PPFIA2: variants seen among roughly 807,000 people sequenced by gnomAD.
The protein encoded by PPFIA2 is liprin-alpha-2.
In PPFIA2, 46 loss-of-function variants were observed where a neutral mutation model predicts 175.5. That is an observed-to-expected ratio of 0.26 (90% CI 0.21 to 0.34). The LOEUF (loss-of-function observed/expected upper bound fraction) is 0.34, where lower values mean the gene tolerates loss of function less well. PPFIA2 is among the 10% of genes least tolerant of loss of function. PPFIA2 has a pLI of 1.00. For missense variants in PPFIA2, 1,179 were observed against 1,506.1 expected (o/e 0.78, Z 3.60); for synonymous variants, 568 against 511.4 (o/e 1.11, Z -1.49).
intron 4 of PPFIA2, among the ~76,000 whole-genome samples, chr12:81,617,531 A>G (rs1159349660): frequency 6.6e-6 from 1 of 152,198 alleles, no homozygotes; most frequent in Non-Finnish European, 1.5e-5. Context: ...TGATACCTGT[A>G]AACATGTAGA....
intron 8 of PPFIA2, among the ~76,000 whole-genome samples, chr12:81,394,406 C>A (rs920124418): frequency 6.6e-6 from 1 of 151,698 alleles, no homozygotes; most frequent in Non-Finnish European, 1.5e-5. Flanking sequence ...TCAAGTACAA[C>A]AGAGTTTAAT....
chr12:81,502,214 C>G (rs2060662253), intron 4 of PPFIA2, among the ~76,000 whole-genome samples: 1 of 152,030 alleles, frequency 6.6e-6, no homozygotes, highest in Non-Finnish European at 1.5e-5. Context: ...ACTTAATTCC[C>G]CAGAAATTAT....
Position 81,281,242 on chromosome 12 carries a change from A to AT in PPFIA2, c.3212+14_3212+15insA. On this transcript the variant is annotated intron_variant, in intron 27 of 32. Transcript: ENST00000549396. ...TTTAATTATTCTTTGGGGAAAAAAAAGAAAAAACACCTACCGATGGAAACT... is the reference window on the plus strand; with the variant it reads ...TTTAATTATTCTTTGGGGAAAAAAAATGAAAAAACACCTACCGATGGAAACT... 2 of 1,527,574 alleles carry AT rather than the reference A, an allele frequency of 1.3e-6. No homozygotes were observed. The highest frequency in any genetic ancestry group is 1.8e-6 in the Non-Finnish European group (2 of 1,134,152). The allele number at this position is 1,527,574 out of a possible 1,614,324, so 94.6% of individuals were successfully genotyped here.
At chr12:81,268,123 T>C (rs1362613533) in intron 28 of PPFIA2, 36 bp from the exon 29 acceptor site, 3 of 1,290,164 alleles carry the variant, frequency 2.3e-6, no homozygotes, top group South Asian at 3.0e-5. Context: ...GGATGCATTA[T>C]TTTTCTTTCT....
chr12:81,562,087 T>C (rs746219120), intron 4 of PPFIA2, among the ~76,000 whole-genome samples: 17 of 152,340 alleles, frequency 1.1e-4, no homozygotes, highest in Non-Finnish European at 2.4e-4. Context: ...AGTTTTGTTG[T>C]CTCTTAAAAA....
intron 3 of PPFIA2, among the ~76,000 whole-genome samples, chr12:81,724,047 A>G (rs2079702322): frequency 6.6e-6 from 1 of 150,870 alleles, no homozygotes; most frequent in Non-Finnish European, 1.5e-5. Flanking sequence ...GGGAAAGGTG[A>G]CTGTTTCATA....
intron 24 of PPFIA2, among the ~76,000 whole-genome samples, chr12:81,293,716 A>G (rs1014597121): frequency 3.3e-5 from 5 of 152,146 alleles, no homozygotes; most frequent in African/African-American, 1.2e-4. Context: ...TACAACCTCT[A>G]TGGAAGACAG....
intron 4 of PPFIA2, among the ~76,000 whole-genome samples, chr12:81,650,052 C>A (rs1442959945): frequency 2.6e-5 from 4 of 151,794 alleles, no homozygotes; most frequent in South Asian, 2.1e-4. Context: ...CTCTGTTGCC[C>A]AGGCTGGAGT....
At chr12:81,739,764 C>A (rs765243120) in intron 3 of PPFIA2, among the ~76,000 whole-genome samples, 22 of 151,784 alleles carry the variant, frequency 1.4e-4, no homozygotes, top group Non-Finnish European at 2.2e-4. Flanking sequence ...ATTAATTTAC[C>A]GTACATAGAA....
intron 4 of PPFIA2, among the ~76,000 whole-genome samples, chr12:81,593,359 C>T (rs938305899): frequency 1.3e-5 from 2 of 152,116 alleles, no homozygotes; most frequent in Non-Finnish European, 1.5e-5. Context: ...GTGTGGTACA[C>T]AAGCAAATTT....
chr12:81,646,874 AGAAG>A (rs2066162813), intron 4 of PPFIA2, among the ~76,000 whole-genome samples: 1 of 151,546 alleles, frequency 6.6e-6, no homozygotes, highest in Non-Finnish European at 1.5e-5. Flanking sequence ...AAGGAATGAA[AGAAG>A]GAAGGGAAGG....
At chr12:81,426,187 ACTT>A (rs1566777419) in intron 7 of PPFIA2, among the ~76,000 whole-genome samples, 1 of 152,172 alleles carries the variant, frequency 6.6e-6, no homozygotes, top group Non-Finnish European at 1.5e-5. Flanking sequence ...CTTGATTGAA[ACTT>A]CAAAGATTGA....
rs372604629 is a variant in PPFIA2, at chr12:81,339,271, G to A, written c.2457C>T (p.Asp819=). 46 of 1,610,770 alleles carry A rather than the reference G, an allele frequency of 2.9e-5. No homozygotes were observed. The African/African-American group carries it at 5.6e-4, about 20-fold the overall frequency. ...LGLGSANSSQ[D]SLHKAPKKKG... is the part of the protein sequence containing the mutation. ...TCTTCTTGGGGGCTTTGTGAAGAGA[G>A]TCTTGGCTGCTGTTGGCACTACCAA... The change falls in exon 21 of 33, where the codon GAC becomes GAT. Residue 819 remains aspartate (D), a synonymous_variant. Transcript: ENST00000549396.
At chr12:81,712,058 ATATAT>A (rs745356772) in intron 3 of PPFIA2, among the ~76,000 whole-genome samples, 23 of 151,324 alleles carry the variant, frequency 1.5e-4, no homozygotes, top group South Asian at 2.1e-4. Flanking sequence ...ATACTTACAG[ATATAT>A]TATATTTTTA....
intron 4 of PPFIA2, among the ~76,000 whole-genome samples, chr12:81,528,904 T>C (rs546650346): frequency 6.6e-6 from 1 of 151,922 alleles, no homozygotes; most frequent in Non-Finnish European, 1.5e-5. Flanking sequence ...AATCAATGAG[T>C]ACAAAAAATA....
chr12:81,278,030 G>A (rs902662674), intron 27 of PPFIA2, among the ~76,000 whole-genome samples: 1 of 152,110 alleles, frequency 6.6e-6, no homozygotes, highest in African/African-American at 2.4e-5. Flanking sequence ...GGAAAATGGA[G>A]CATCATGAAC....
chr12:81,288,522 C>G (rs948835213), intron 24 of PPFIA2, among the ~76,000 whole-genome samples: 1 of 151,716 alleles, frequency 6.6e-6, no homozygotes, highest in Admixed American at 6.6e-5. Flanking sequence ...ATAAATATTA[C>G]AATGAACTTA....
chr12:81,576,433 A>C (rs2073559157), intron 4 of PPFIA2, among the ~76,000 whole-genome samples: 1 of 151,734 alleles, frequency 6.6e-6, no homozygotes, highest in South Asian at 2.1e-4. Context: ...CCATTTTGTG[A>C]TTTTTAACAT....
intron 3 of PPFIA2, among the ~76,000 whole-genome samples, chr12:81,728,860 T>C (rs1341791830): frequency 1.3e-5 from 2 of 151,502 alleles, no homozygotes; most frequent in Non-Finnish European, 3.0e-5. Flanking sequence ...AGCAATGTGA[T>C]AGATGGTATT....
Sources: gnomAD v4.1 joint callset for allele counts (sites outside exome capture counted in the v4.1 genomes callset) on GRCh38, gnomAD v4.1.1 for gene constraint, MANE v1.5 for transcripts, NCBI Gene and HGNC (gene_info 2026-07-23, HGNC 2026-07-21) for gene names.